Variants in RCAN2 observed in about 807,000 individuals in gnomAD.
The protein encoded by RCAN2 is regulator of calcineurin 2.
In RCAN2, 9 loss-of-function variants were observed where a neutral mutation model predicts 23.6. The observed-to-expected ratio is 0.38, with a 90% confidence interval of 0.23 to 0.67. The LOEUF (loss-of-function observed/expected upper bound fraction) is 0.67, where lower values mean the gene tolerates loss of function less well. Among genes scored for constraint, RCAN2 ranks in the 30% least tolerant of loss-of-function variants. The pLI, the probability that RCAN2 is intolerant of heterozygous loss-of-function variation, is 0.51. For synonymous variants in RCAN2, 109 were observed against 115.7 expected (o/e 0.94, Z 0.37); for missense variants, 273 against 302.3 (o/e 0.90, Z 0.72).
chr6:46,314,311 G>A (rs960009160), intron 2 of RCAN2, among the ~76,000 whole-genome samples: 10 of 140,914 alleles, frequency 7.1e-5, no homozygotes, highest in Non-Finnish European at 1.1e-4. Flanking sequence ...GCAGTGAGCC[G>A]AGATTGCAAC....
chr6:46,350,817 A>G (rs1764625343), intron 2 of RCAN2, among the ~76,000 whole-genome samples: 1 of 152,164 alleles, frequency 6.6e-6, no homozygotes, highest in Non-Finnish European at 1.5e-5. Context: ...TGTAGCAAGC[A>G]CTATTCTAAT....
chr6:46,332,387 C>A (rs530242873), intron 2 of RCAN2, among the ~76,000 whole-genome samples: 6 of 151,954 alleles, frequency 3.9e-5, no homozygotes, highest in African/African-American at 1.4e-4. Context: ...TATACATGTG[C>A]CATGCGGGTG....
chr6:46,395,852 C>G (rs1257830380), intron 2 of RCAN2, among the ~76,000 whole-genome samples: 1 of 152,140 alleles, frequency 6.6e-6, no homozygotes, highest in Non-Finnish European at 1.5e-5. Context: ...TACCTCAAAG[C>G]TGATTCTCTC....
At chr6:46,355,457 C>CA (rs1764801330) in intron 2 of RCAN2, among the ~76,000 whole-genome samples, 1 of 152,198 alleles carries the variant, frequency 6.6e-6, no homozygotes, top group Non-Finnish European at 1.5e-5. Flanking sequence ...CTTCCAGTGC[C>CA]AGCCCTTGAC....
chr6:46,358,114 G>T (rs1018460355), intron 2 of RCAN2, among the ~76,000 whole-genome samples: 3 of 152,120 alleles, frequency 2.0e-5, no homozygotes. Flanking sequence ...TGACGCCCTA[G>T]GTCTAGAATG....
intron 2 of RCAN2, among the ~76,000 whole-genome samples, chr6:46,412,177 TAAG>T (rs1766568293): frequency 6.6e-6 from 1 of 152,154 alleles, no homozygotes; most frequent in Admixed American, 6.6e-5. Context: ...GATTATATAT[TAAG>T]AAGAGGGAAA....
chr6:46,242,713 A>G (rs572870899), intron 4 of RCAN2, among the ~76,000 whole-genome samples: 1 of 152,342 alleles, frequency 6.6e-6, no homozygotes, highest in South Asian at 2.1e-4. Flanking sequence ...AAATTTTACT[A>G]AATCACTTTT....
At chr6:46,234,226 A>C (rs994312971) in intron 4 of RCAN2, among the ~76,000 whole-genome samples, 3 of 152,192 alleles carry the variant, frequency 2.0e-5, no homozygotes, top group African/African-American at 7.2e-5. Flanking sequence ...CTGTGATCCC[A>C]TTAACTCTGA....
chr6:46,426,078 C>T (rs1389395473), intron 2 of RCAN2, among the ~76,000 whole-genome samples: 2 of 151,308 alleles, frequency 1.3e-5, no homozygotes, highest in African/African-American at 4.9e-5. Context: ...TTTGTAGTTT[C>T]AGTAAAGACA....
intron 1 of RCAN2, among the ~76,000 whole-genome samples, chr6:46,479,147 C>G (rs1768790009): frequency 6.6e-6 from 1 of 152,172 alleles, no homozygotes; most frequent in Non-Finnish European, 1.5e-5. Flanking sequence ...GCAGGCCAGA[C>G]CCCTGATGGG....
chr6:46,257,389 C>T (rs940092652), intron 2 of RCAN2, among the ~76,000 whole-genome samples: 3 of 152,100 alleles, frequency 2.0e-5, no homozygotes, highest in Admixed American at 1.3e-4. Flanking sequence ...TTAGTCCATT[C>T]TCACACTGCT....
intron 2 of RCAN2, among the ~76,000 whole-genome samples, chr6:46,307,857 T>C (rs770144970): frequency 1.5e-4 from 23 of 152,330 alleles, no homozygotes; most frequent in African/African-American, 5.5e-4. Flanking sequence ...TTCCTGAAGA[T>C]GGTGGTGGCC....
intron 2 of RCAN2, among the ~76,000 whole-genome samples, chr6:46,358,413 G>T (rs1343066914): frequency 6.6e-6 from 1 of 152,128 alleles, no homozygotes; most frequent in Non-Finnish European, 1.5e-5. Context: ...TATCTCCAAA[G>T]GTGGTGGAAG....
At chr6:46,322,424 T>G (rs1056365719) in intron 2 of RCAN2, among the ~76,000 whole-genome samples, 9 of 152,226 alleles carry the variant, frequency 5.9e-5, no homozygotes, top group African/African-American at 2.2e-4. Flanking sequence ...CTTTTTAGTA[T>G]TATTGCTTGA....
At chr6:46,323,246 A>G (rs77638821) in intron 2 of RCAN2, among the ~76,000 whole-genome samples, 3,076 of 152,286 alleles carry the variant, frequency 0.02, 115 homozygotes, top group African/African-American at 0.071. Context: ...ACATTTATTG[A>G]GCATTAAATA....
chr6:46,412,527 C>T (rs1766576556), intron 2 of RCAN2, among the ~76,000 whole-genome samples: 1 of 152,042 alleles, frequency 6.6e-6, no homozygotes, highest in Admixed American at 6.5e-5. Flanking sequence ...CCAAGGGGCA[C>T]TCCAAATTTA....
At chr6:46,341,071 C>A (rs1289560606) in intron 2 of RCAN2, among the ~76,000 whole-genome samples, 1 of 152,042 alleles carries the variant, frequency 6.6e-6, no homozygotes, top group South Asian at 2.1e-4. Context: ...AGTAAAGTTA[C>A]TAGTTTTAAA....
At chr6:46,342,360 T>C (rs1764348178) in intron 2 of RCAN2, among the ~76,000 whole-genome samples, 1 of 151,912 alleles carries the variant, frequency 6.6e-6, no homozygotes, top group African/African-American at 2.4e-5. Context: ...AGATGTAGAA[T>C]GCCAGTGGTG....
chr6:46,418,733 A>G (rs1181892123), intron 2 of RCAN2, among the ~76,000 whole-genome samples: 1 of 138,636 alleles, frequency 7.2e-6, no homozygotes, highest in African/African-American at 2.6e-5. Flanking sequence ...ATATATATAC[A>G]GTTGCAGGTA....
Sources: allele counts gnomAD v4.1 joint callset (sites outside exome capture counted in the v4.1 genomes callset), GRCh38; gene constraint gnomAD v4.1.1; transcripts MANE v1.5; gene names NCBI Gene and HGNC (gene_info 2026-07-23, HGNC 2026-07-21).